TENM4: variants seen among roughly 807,000 people sequenced by gnomAD.
TENM4 encodes the protein teneurin transmembrane protein 4, also known as teneurin-4.
A neutral mutation model predicts 243.3 loss-of-function variants in TENM4; 82 were observed. That is an observed-to-expected ratio of 0.34 (90% CI 0.28 to 0.40). TENM4 has a LOEUF of 0.40. Among genes scored for constraint, TENM4 ranks in the 10% least tolerant of loss-of-function variants. The pLI, the probability that TENM4 is intolerant of heterozygous loss-of-function variation, is 1.00. For missense variants in TENM4, 3,138 were observed against 3,673.3 expected, an observed-to-expected ratio of 0.85 and a Z score of 3.77; for synonymous variants, 1,412 against 1,456.3, an observed-to-expected ratio of 0.97 and a Z score of 0.69.
chr11:79,403,001 T>C (rs1858493286), intron 1 of TENM4, among the ~76,000 whole-genome samples: 1 of 152,212 alleles, frequency 6.6e-6, no homozygotes, highest in African/African-American at 2.4e-5. Flanking sequence ...AACATAAATA[T>C]TGAAATATTT....
intron 4 of TENM4, among the ~76,000 whole-genome samples, chr11:79,087,923 C>A (rs376076742): frequency 6.6e-6 from 1 of 152,230 alleles, no homozygotes; most frequent in Non-Finnish European, 1.5e-5. Flanking sequence ...CCCTCAGCAA[C>A]TGTGGCTGCC....
At chr11:79,425,737 C>G (rs986817539) in intron 1 of TENM4, among the ~76,000 whole-genome samples, 2 of 152,212 alleles carry the variant, frequency 1.3e-5, no homozygotes, top group Non-Finnish European at 2.9e-5. Context: ...TCCCATCCCT[C>G]TGGTATAAGC....
chr11:78,960,211 G>C (rs1006845559), intron 6 of TENM4, among the ~76,000 whole-genome samples: 5 of 152,182 alleles, frequency 3.3e-5, no homozygotes, highest in African/African-American at 1.2e-4. Context: ...AAAAGGCATA[G>C]AGGAGTAGGG....
chr11:78,783,261 G>A (rs1184335982), intron 16 of TENM4, among the ~76,000 whole-genome samples: 1 of 152,160 alleles, frequency 6.6e-6, no homozygotes, highest in African/African-American at 2.4e-5. Flanking sequence ...TCCTTGAAAA[G>A]ATCCAAAAAT....
chr11:78,802,901 G>T (rs954906650), intron 15 of TENM4, among the ~76,000 whole-genome samples: 2 of 152,180 alleles, frequency 1.3e-5, no homozygotes, highest in African/African-American at 2.4e-5. Flanking sequence ...TTCTGAAAGG[G>T]ATTTCATCTT....
At chr11:78,966,438 T>C (rs1425970246) in intron 6 of TENM4, among the ~76,000 whole-genome samples, 4 of 152,168 alleles carry the variant, frequency 2.6e-5, no homozygotes, top group African/African-American at 9.7e-5. Context: ...AAATCCTGTT[T>C]CATTCCACAA....
At chr11:79,150,134 G>C (rs61882101) in intron 3 of TENM4, among the ~76,000 whole-genome samples, 1 of 151,960 alleles carries the variant, frequency 6.6e-6, no homozygotes, top group Non-Finnish European at 1.5e-5. Context: ...ACTCCTGCTC[G>C]GTTCAGCCTT....
At chr11:79,398,222 G>A (rs1327619297) in intron 1 of TENM4, among the ~76,000 whole-genome samples, 3 of 151,430 alleles carry the variant, frequency 2.0e-5, no homozygotes, top group Non-Finnish European at 2.9e-5. Context: ...TTTAATCTAG[G>A]ACAACCCCCA....
chr11:79,062,542 A>G (rs142517952), intron 6 of TENM4, among the ~76,000 whole-genome samples: 2 of 152,348 alleles, frequency 1.3e-5, no homozygotes, highest in South Asian at 2.1e-4. Context: ...AAAAACTCTA[A>G]GAAGCCCTGC....
chr11:79,171,043 T>C (rs774122168), intron 3 of TENM4, among the ~76,000 whole-genome samples: 2 of 152,098 alleles, frequency 1.3e-5, no homozygotes, highest in Non-Finnish European at 2.9e-5. Context: ...GTGAGTATGA[T>C]GTTGAAGCAT....
At chr11:78,986,246 A>G (rs1857915196) in intron 6 of TENM4, among the ~76,000 whole-genome samples, 1 of 152,232 alleles carries the variant, frequency 6.6e-6, no homozygotes, top group African/African-American at 2.4e-5. Context: ...ACATCTCTGA[A>G]ATTAAGAATT....
chr11:79,253,397 A>T (rs1325355800), intron 2 of TENM4, among the ~76,000 whole-genome samples: 4 of 152,106 alleles, frequency 2.6e-5, no homozygotes, highest in Non-Finnish European at 4.4e-5. Flanking sequence ...ACAAACAAAC[A>T]CTGCACTGGA....
At chr11:78,831,644 G>A (rs963043227) in intron 12 of TENM4, among the ~76,000 whole-genome samples, 12 of 152,344 alleles carry the variant, frequency 7.9e-5, no homozygotes, top group East Asian at 5.8e-4. Flanking sequence ...GTAGTGCAGC[G>A]GGGCTGGCAC....
chr11:79,174,306 G>A (rs992015425), intron 3 of TENM4, among the ~76,000 whole-genome samples: 7 of 152,052 alleles, frequency 4.6e-5, no homozygotes, highest in African/African-American at 1.7e-4. Flanking sequence ...GGGGAGAGAT[G>A]TACTGACTCA....
At chr11:78,822,095 G>A (rs1364950463) in intron 12 of TENM4, among the ~76,000 whole-genome samples, 2 of 152,142 alleles carry the variant, frequency 1.3e-5, no homozygotes, top group Non-Finnish European at 2.9e-5. Context: ...TCAGTCGCTG[G>A]ATGTATTCAA....
intron 15 of TENM4, among the ~76,000 whole-genome samples, chr11:78,795,538 G>A (rs1220356772): frequency 1.3e-5 from 2 of 152,228 alleles, no homozygotes; most frequent in East Asian, 1.9e-4. Context: ...TTTTAAAACA[G>A]ATTTAAAAAT....
intron 28 of TENM4, among the ~76,000 whole-genome samples, chr11:78,696,478 G>T (rs1393019151): frequency 8.6e-6 from 1 of 116,236 alleles, no homozygotes; most frequent in African/African-American, 5.8e-5. Context: ...GCATGGTAGA[G>T]CCTGAGTGAG....
At chr11:79,145,484 C>A (rs72935333) in intron 4 of TENM4, among the ~76,000 whole-genome samples, 8,399 of 152,170 alleles carry the variant, frequency 0.055, 337 homozygotes, top group Non-Finnish European at 0.078. Context: ...AAAGTGCAGT[C>A]ATAAAGTTTC....
chr11:78,659,404 TG>T, intron 33 of TENM4, among the ~76,000 whole-genome samples: 1 of 152,174 alleles, frequency 6.6e-6, no homozygotes, highest in East Asian at 1.9e-4. Flanking sequence ...AGCCCAGGTC[TG>T]TCCAATTCTA....
Sources: gnomAD v4.1 joint callset for allele counts (sites outside exome capture counted in the v4.1 genomes callset) on GRCh38, gnomAD v4.1.1 for gene constraint, MANE v1.5 for transcripts, NCBI Gene and HGNC (gene_info 2026-07-23, HGNC 2026-07-21) for gene names.